TAOK1: variants seen among roughly 807,000 people sequenced by gnomAD.
The protein encoded by TAOK1 is serine/threonine-protein kinase TAO1.
Under a neutral mutation model 138.3 loss-of-function variants are expected in TAOK1, and 21 were observed. The observed-to-expected ratio is 0.15, with a 90% CI of 0.11 to 0.22. The LOEUF is 0.22. Among genes scored for constraint, TAOK1 ranks in the 10% least tolerant of loss-of-function variants. TAOK1 has a pLI of 1.00. For synonymous variants in TAOK1, 361 were observed against 398.4 expected (o/e 0.91, Z 1.12); for missense variants, 651 against 1,227.7 (o/e 0.53, Z 7.02).
At chr17:29,417,428 C>T (rs934920382) in intron 1 of TAOK1, among the ~76,000 whole-genome samples, 2 of 151,992 alleles carry the variant, frequency 1.3e-5, no homozygotes. Flanking sequence ...ACGTTTTTTT[C>T]GTTCATGGCT....
chr17:29,454,492 A>T (rs1201011455), intron 2 of TAOK1, among the ~76,000 whole-genome samples: 1 of 151,954 alleles, frequency 6.6e-6, no homozygotes, highest in Non-Finnish European at 1.5e-5. Flanking sequence ...AAAAAGACTT[A>T]GAATTTTGAT....
rs572340655 is a variant in TAOK1 at position 29,408,201 on chromosome 17, G to A, written c.-95+17177G>A. Among the ~76,000 whole-genome samples, 20 of 150,806 alleles carry A rather than the reference G, an allele frequency of 1.3e-4. No individual in the cohort carries two copies. In the East Asian group the frequency reaches 2.0e-3, roughly 15 times the overall value. On this transcript the variant is annotated intron_variant, in intron 1 of 19. Transcript: ENST00000261716. Reference sequence around the variant, plus strand: ...CAAAGTGGTGGTATTACAGGTGTGTGCCACTGCACCTGGCCATAAGGTTTT... The same window carrying A: ...CAAAGTGGTGGTATTACAGGTGTGTACCACTGCACCTGGCCATAAGGTTTT...
At chr17:29,479,766 C>A (rs1429967192) in intron 6 of TAOK1, among the ~76,000 whole-genome samples, 1 of 151,958 alleles carries the variant, frequency 6.6e-6, no homozygotes, top group Admixed American at 6.6e-5. Context: ...TATATAAATA[C>A]ATGTTTTCTT....
intron 3 of TAOK1, among the ~76,000 whole-genome samples, chr17:29,468,033 G>GGAGACCAGTCTC (rs2030716528): frequency 6.6e-6 from 1 of 150,752 alleles, no homozygotes; most frequent in Non-Finnish European, 1.5e-5. Context: ...CTCCATGTTG[G>GGAGACCAGTCTC]CCAGGCTGGT....
intron 3 of TAOK1, among the ~76,000 whole-genome samples, chr17:29,468,416 C>T (rs79179938): frequency 2.6e-5 from 4 of 151,946 alleles, no homozygotes; most frequent in East Asian, 3.9e-4. Context: ...GGATTGTAGG[C>T]GTAAGCCACC....
intron 10 of TAOK1, among the ~76,000 whole-genome samples, chr17:29,492,411 A>G (rs144330562): frequency 6.6e-6 from 1 of 152,354 alleles, no homozygotes; most frequent in Admixed American, 6.5e-5. Context: ...TAAGTATTCA[A>G]ATAGCTCAAT....
At chr17:29,393,867 G>A (rs1264022372) in intron 1 of TAOK1, among the ~76,000 whole-genome samples, 2 of 152,130 alleles carry the variant, frequency 1.3e-5, no homozygotes, top group African/African-American at 4.8e-5. Context: ...AGGTTTTAAA[G>A]AAGTACAGCA....
intron 13 of TAOK1, among the ~76,000 whole-genome samples, chr17:29,507,317 G>T (rs1478700340): frequency 6.7e-6 from 1 of 149,806 alleles, no homozygotes; most frequent in African/African-American, 2.5e-5. Context: ...TCCTGCCCAA[G>T]AAGTATTTGC....
At chr17:29,406,061 G>C (rs1420015510) in intron 1 of TAOK1, among the ~76,000 whole-genome samples, 1 of 152,152 alleles carries the variant, frequency 6.6e-6, no homozygotes, top group Non-Finnish European at 1.5e-5. Context: ...ACATACAATA[G>C]TGTAGTGCAG....
chr17:29,529,887 C>T (rs1193074883), intron 17 of TAOK1, among the ~76,000 whole-genome samples: 4 of 148,992 alleles, frequency 2.7e-5, no homozygotes, highest in African/African-American at 9.9e-5. Flanking sequence ...ATTAGCTGAA[C>T]ATAGTGGCGC....
At chr17:29,409,656 A>G (rs1001865296) in intron 1 of TAOK1, among the ~76,000 whole-genome samples, 2 of 151,986 alleles carry the variant, frequency 1.3e-5, no homozygotes, top group African/African-American at 2.4e-5. Flanking sequence ...TTTTATTTCT[A>G]CTAACCCTAA....
chr17:29,486,368 T>A (rs1430099376), intron 8 of TAOK1, among the ~76,000 whole-genome samples: 1 of 152,024 alleles, frequency 6.6e-6, no homozygotes, highest in Non-Finnish European at 1.5e-5. Flanking sequence ...TTCAGTGGCT[T>A]ATGCCTGTAA....
chr17:29,486,382 C>T (rs1274644590), intron 8 of TAOK1, among the ~76,000 whole-genome samples: 1 of 152,134 alleles, frequency 6.6e-6, no homozygotes, highest in Non-Finnish European at 1.5e-5. Context: ...CCTGTAATCC[C>T]AGCACTTTGG....
At chr17:29,498,925 C>CA (rs75922490) in intron 12 of TAOK1, among the ~76,000 whole-genome samples, 121 of 135,346 alleles carry the variant, frequency 8.9e-4, no homozygotes, top group Non-Finnish European at 9.0e-4. Flanking sequence ...GACCCTATCT[C>CA]AAAAAAAAAA....
At chr17:29,490,730 T>G (rs1175406529) in intron 9 of TAOK1, among the ~76,000 whole-genome samples, 1 of 152,208 alleles carries the variant, frequency 6.6e-6, no homozygotes, top group African/African-American at 2.4e-5. Context: ...GCTTGGTAAT[T>G]TATAAAGAAC....
intron 14 of TAOK1, among the ~76,000 whole-genome samples, chr17:29,509,506 T>C (rs1340701931): frequency 1.3e-5 from 2 of 152,014 alleles, no homozygotes; most frequent in Non-Finnish European, 2.9e-5. Context: ...TTGATAGATA[T>C]TATTTTTAAT....
intron 9 of TAOK1, among the ~76,000 whole-genome samples, chr17:29,490,475 A>AT (rs1304702066): frequency 6.6e-6 from 1 of 152,200 alleles, no homozygotes; most frequent in Non-Finnish European, 1.5e-5. Context: ...TCACAGACAT[A>AT]TAAATTAGGG....
intron 1 of TAOK1, among the ~76,000 whole-genome samples, chr17:29,448,086 A>G (rs1390128915): frequency 2.0e-5 from 3 of 148,694 alleles, no homozygotes; most frequent in South Asian, 2.1e-4. Context: ...TATATTGTCA[A>G]ATATGTTTTT....
In TAOK1 at chr17:29,448,020, C is replaced by CTT. The variant is rs78328596; in HGVS notation, c.-94-3427_-94-3426dup. 4.6e-4 allele frequency among the ~76,000 whole-genome samples: 54 copies of CTT among 116,984 alleles called. No homozygotes were observed. In the East Asian group the frequency reaches 5.6e-3, roughly 12 times the overall value. 76.7% of individuals were successfully genotyped at this position (116,984 alleles called of 152,430 possible). On this transcript the variant is annotated intron_variant, in intron 1 of 19. Coordinates refer to ENST00000261716, the MANE Select transcript of TAOK1 (RefSeq NM_020791.4). ...CTTCCTGCTTTCATACCGAGTTTAT[C>CTT]TTTTTTTTTATTATTTTTGGTATCT...
Sources: allele counts gnomAD v4.1 joint callset (sites outside exome capture counted in the v4.1 genomes callset), GRCh38; gene constraint gnomAD v4.1.1; transcripts MANE v1.5; gene names NCBI Gene and HGNC (gene_info 2026-07-23, HGNC 2026-07-21).